UBE2E2: variants seen among roughly 807,000 people sequenced by gnomAD.
UBE2E2 encodes ubiquitin-conjugating enzyme E2 E2.
In UBE2E2, 6 loss-of-function variants were observed where a neutral mutation model predicts 24.7. The observed-to-expected ratio is 0.24, with a 90% confidence interval of 0.13 to 0.48. The LOEUF (loss-of-function observed/expected upper bound fraction) is 0.48, where lower values mean the gene tolerates loss of function less well. Ranked by LOEUF, UBE2E2 falls within the 20% of genes least tolerant of loss-of-function variation. The pLI, the probability that UBE2E2 is intolerant of heterozygous loss-of-function variation, is 0.99. For missense variants in UBE2E2, 169 were observed against 245.0 expected, an observed-to-expected ratio of 0.69 and a Z score of 2.07; for synonymous variants, 104 against 83.6, an observed-to-expected ratio of 1.24 and a Z score of -1.33.
chr3:23,343,736 C>T (rs1695467815), intron 3 of UBE2E2, among the ~76,000 whole-genome samples: 1 of 152,164 alleles, frequency 6.6e-6, no homozygotes, highest in Non-Finnish European at 1.5e-5. Context: ...GTGCCTCCTT[C>T]ACTTAGCCAC....
chr3:23,276,024 G>T (rs964627670), intron 3 of UBE2E2, among the ~76,000 whole-genome samples: 1 of 152,028 alleles, frequency 6.6e-6, no homozygotes, highest in African/African-American at 2.4e-5. Flanking sequence ...GATTGATAAG[G>T]CATGGTGTGG....
chr3:23,521,157 C>T (rs113528732), intron 4 of UBE2E2, among the ~76,000 whole-genome samples: 1 of 152,004 alleles, frequency 6.6e-6, no homozygotes, highest in African/African-American at 2.4e-5. Flanking sequence ...TGGAGTAATC[C>T]TGTACATTAT....
chr3:23,462,030 T>C (rs962696205), intron 3 of UBE2E2, among the ~76,000 whole-genome samples: 12 of 152,186 alleles, frequency 7.9e-5, no homozygotes, highest in African/African-American at 2.2e-4. Flanking sequence ...AATATCCCAC[T>C]ATGGAATTTA....
chr3:23,444,866 A>G (rs1343309662), intron 3 of UBE2E2, among the ~76,000 whole-genome samples: 1 of 152,168 alleles, frequency 6.6e-6, no homozygotes, highest in Non-Finnish European at 1.5e-5. Flanking sequence ...CCATGTTGAT[A>G]GATCAGTTAT....
At chr3:23,300,689 C>T (rs893188279) in intron 3 of UBE2E2, among the ~76,000 whole-genome samples, 15 of 152,058 alleles carry the variant, frequency 9.9e-5, no homozygotes, top group Non-Finnish European at 1.8e-4. Context: ...GTGGGTAACC[C>T]GACCTTTCTC....
At chr3:23,346,114 A>G (rs1446041073) in intron 3 of UBE2E2, among the ~76,000 whole-genome samples, 1 of 152,190 alleles carries the variant, frequency 6.6e-6, no homozygotes, top group African/African-American at 2.4e-5. Flanking sequence ...CCTTTCTTAA[A>G]AGGCAATTTC....
chr3:23,373,958 A>G (rs17404982), intron 3 of UBE2E2, among the ~76,000 whole-genome samples: 15,520 of 152,004 alleles, frequency 0.1, 924 homozygotes, highest in East Asian at 0.13. Context: ...TGTTTATTAA[A>G]TGTTCTAAAA....
At chr3:23,386,171 C>G (rs945407727) in intron 3 of UBE2E2, among the ~76,000 whole-genome samples, 4 of 152,138 alleles carry the variant, frequency 2.6e-5, no homozygotes, top group African/African-American at 9.7e-5. Flanking sequence ...AACTGGGTGG[C>G]TTATAAACAA....
chr3:23,332,775 G>A (rs901088563), intron 3 of UBE2E2, among the ~76,000 whole-genome samples: 8 of 150,998 alleles, frequency 5.3e-5, no homozygotes, highest in African/African-American at 1.9e-4. Flanking sequence ...TTTGAGAAAA[G>A]GAGTAGTATT....
intron 4 of UBE2E2, among the ~76,000 whole-genome samples, chr3:23,507,223 G>A (rs955519163): frequency 6.6e-6 from 1 of 152,010 alleles, no homozygotes; most frequent in Non-Finnish European, 1.5e-5. Flanking sequence ...TTTTCAGAGA[G>A]GTTCTTGGAT....
At chr3:23,565,548 G>C (rs1696053400) in intron 5 of UBE2E2, among the ~76,000 whole-genome samples, 1 of 145,494 alleles carries the variant, frequency 6.9e-6, no homozygotes, top group Admixed American at 7.1e-5. Flanking sequence ...CAGTGCAACA[G>C]GGCTTGTTAG....
At chr3:23,258,195 T>C (rs1697789166) in intron 3 of UBE2E2, among the ~76,000 whole-genome samples, 1 of 152,102 alleles carries the variant, frequency 6.6e-6, no homozygotes, top group African/African-American at 2.4e-5. Flanking sequence ...AGAATTTACA[T>C]TGGATTAGAG....
intron 3 of UBE2E2, among the ~76,000 whole-genome samples, chr3:23,390,866 ATAT>A (rs1442810603): frequency 1.3e-5 from 2 of 152,188 alleles, no homozygotes; most frequent in Non-Finnish European, 2.9e-5. Context: ...AAACATCATT[ATAT>A]CTTTGCTTTT....
At chr3:23,418,923 C>T (rs544417859) in intron 3 of UBE2E2, among the ~76,000 whole-genome samples, 7 of 151,448 alleles carry the variant, frequency 4.6e-5, no homozygotes, top group South Asian at 4.2e-4. Context: ...CCCACCTGTT[C>T]CAGTCTTTCT....
At chr3:23,250,983 A>G (rs1242676127) in intron 3 of UBE2E2, among the ~76,000 whole-genome samples, 2 of 152,130 alleles carry the variant, frequency 1.3e-5, no homozygotes, top group Non-Finnish European at 2.9e-5. Context: ...TCAGCCTCCC[A>G]GGTAGCTGGG....
rs538260858 is a variant in UBE2E2 at position 23,285,331 on chromosome 3, A to G, written c.227+68019A>G. ...CTTTGCTATCGTGAATAGTGCTGCA[A>G]TAAACGTGGGAATGCAGATATCTCT... On this transcript the variant is annotated intron_variant, in intron 3 of 5. Coordinates refer to ENST00000396703, the MANE Select transcript of UBE2E2 (RefSeq NM_152653.4). 7.2e-5 allele frequency among the ~76,000 whole-genome samples: 11 copies of G among 152,328 alleles called. No homozygotes were observed. In the South Asian group the frequency reaches 1.0e-3, roughly 14 times the overall value.
intron 3 of UBE2E2, among the ~76,000 whole-genome samples, chr3:23,454,153 C>G (rs1004784963): frequency 6.6e-6 from 1 of 152,116 alleles, no homozygotes; most frequent in African/African-American, 2.4e-5. Context: ...TTTTAAGAAG[C>G]TAATGAATTT....
At chr3:23,291,118 G>T (rs1229701412) in intron 3 of UBE2E2, among the ~76,000 whole-genome samples, 1 of 146,442 alleles carries the variant, frequency 6.8e-6, no homozygotes, top group Admixed American at 6.9e-5. Flanking sequence ...CTAGCCTATA[G>T]AATATCTTTT....
In UBE2E2 at chr3:23,263,237, A is replaced by G. The variant is rs75141427; in HGVS notation, c.227+45925A>G. Among the ~76,000 whole-genome samples the G allele has an allele frequency of 5.9e-3, 902 of 152,294 alleles. 7 individuals are homozygous for G. The highest frequency in any genetic ancestry group is 0.021 in the African/African-American group (865 of 41,576). On this transcript the variant is annotated intron_variant, in intron 3 of 5. Coordinates refer to ENST00000396703, the MANE Select transcript of UBE2E2 (RefSeq NM_152653.4). Reference sequence around the variant, plus strand: ...TTGAGTTAGGTAAGCAAAGAACCATAGGTTTCTTTTATTTATTTAAATCTT... The same window carrying G: ...TTGAGTTAGGTAAGCAAAGAACCATGGGTTTCTTTTATTTATTTAAATCTT...
Sources: allele counts gnomAD v4.1 joint callset (sites outside exome capture counted in the v4.1 genomes callset), GRCh38; gene constraint gnomAD v4.1.1; transcripts MANE v1.5; gene names NCBI Gene and HGNC (gene_info 2026-07-23, HGNC 2026-07-21).